SYN2: variants seen among roughly 807,000 people sequenced by gnomAD.
The protein encoded by SYN2 is synapsin II.
A neutral mutation model predicts 50.9 loss-of-function variants in SYN2; 19 were observed. The ratio of observed to expected loss-of-function variants is 0.37; its 90% CI spans 0.26 to 0.55. The LOEUF is 0.55. SYN2 is among the 20% of genes least tolerant of loss of function. The probability of loss-of-function intolerance (pLI) is 0.81; values close to 1 mark genes in which losing one functional copy is unlikely to be tolerated. For synonymous variants in SYN2, 255 were observed against 224.9 expected (o/e 1.13, Z -1.20); for missense variants, 587 against 576.4 (o/e 1.02, Z -0.19).
Position 12,190,674 on chromosome 3 carries a change from A to T in SYN2, c.*49A>T, listed in dbSNP as rs1203634241. On this transcript the variant is annotated 3_prime_UTR_variant, in exon 13 of 13. Coordinates refer to ENST00000621198, the MANE Select transcript of SYN2 (RefSeq NM_133625.6). ...AGCCCAACCGGGAAAGGCATCTAAG[A>T]CATTCACCAACAACAGTCAGCCAGC... is the stretch of plus-strand genomic sequence containing the variant. 6.3e-7 allele frequency: 1 copy of T among 1,594,488 alleles called. No homozygotes were observed. The highest frequency in any genetic ancestry group is 1.4e-5 in the African/African-American group (1 of 73,938).
chr3:12,021,792 C>T (rs1223380550), intron 1 of SYN2, among the ~76,000 whole-genome samples: 3 of 151,842 alleles, frequency 2.0e-5, no homozygotes, highest in Non-Finnish European at 4.4e-5. Flanking sequence ...TGGCTGGGCG[C>T]GGTGGCTCAT....
At chr3:12,141,740 TC>T (rs1239728494) in intron 2 of SYN2, among the ~76,000 whole-genome samples, 164 bp from the exon 3 acceptor site, 1 of 152,236 alleles carries the variant, frequency 6.6e-6, no homozygotes, top group Non-Finnish European at 1.5e-5. Flanking sequence ...ATTATCTCTG[TC>T]CCACCTTCAT....
chr3:12,141,846 A>G (rs965907392), intron 2 of SYN2, 59 bp from the exon 3 acceptor site: 6 of 776,994 alleles, frequency 7.7e-6, no homozygotes, highest in Non-Finnish European at 1.4e-5. Context: ...TGCTGCTGCT[A>G]TGTAGAGGAC....
At chr3:12,177,649 G>A (rs28708715) in intron 10 of SYN2, among the ~76,000 whole-genome samples, 7,285 of 152,264 alleles carry the variant, frequency 0.048, 598 homozygotes, top group African/African-American at 0.17. Context: ...TTCTTCCCCA[G>A]TGAGTATAAG....
rs765525406 is a variant in SYN2, at chr3:12,004,530, C to T, written c.-22C>T. On this transcript the variant is annotated 5_prime_UTR_variant, in exon 1 of 13. Transcript: ENST00000621198. ...CGCCACCAGACCCCGTAGCCCCGCG[C>T]GCCCCCAGCCCTTTAAGCCAGATGA... The T allele has an allele frequency of 3.4e-6, 2 of 591,084 alleles. No individual in the cohort carries two copies. The highest frequency in any genetic ancestry group is 6.3e-6 in the Non-Finnish European group (2 of 318,450). 36.6% of individuals were successfully genotyped at this position (591,084 alleles called of 1,614,324 possible). A position where few individuals can be genotyped will look rare whatever the true frequency, so the allele number is the denominator to read the frequency against.
At chr3:12,098,387 T>C (rs1695988961) in intron 1 of SYN2, among the ~76,000 whole-genome samples, 1 of 152,102 alleles carries the variant, frequency 6.6e-6, no homozygotes, top group Non-Finnish European at 1.5e-5. Context: ...GGGCATACAA[T>C]ATATAAAAAT....
chr3:12,086,105 A>G (rs1695695609), intron 1 of SYN2, among the ~76,000 whole-genome samples: 1 of 152,204 alleles, frequency 6.6e-6, no homozygotes, highest in Admixed American at 6.5e-5. Context: ...AGAGACTTCT[A>G]TGTAACAAAT....
intron 1 of SYN2, among the ~76,000 whole-genome samples, chr3:12,052,130 G>A (rs1182770306): frequency 6.6e-6 from 1 of 152,072 alleles, no homozygotes; most frequent in East Asian, 1.9e-4. Context: ...TTTATATTCA[G>A]GAAACATTTA....
At chr3:12,074,756 A>C (rs925772255) in intron 1 of SYN2, among the ~76,000 whole-genome samples, 9 of 152,090 alleles carry the variant, frequency 5.9e-5, no homozygotes, top group African/African-American at 1.2e-4. Context: ...AAGTCAGGCT[A>C]ACCCCTGGAA....
At chr3:12,185,408 G>A (rs1698319252) in intron 11 of SYN2, 1 of 985,658 alleles carries the variant, frequency 1.0e-6, no homozygotes, top group Non-Finnish European at 1.2e-6. Context: ...GCTACAGGGT[G>A]GTGTCAGTCA....
chr3:12,133,195 A>T (rs975070087), intron 1 of SYN2, among the ~76,000 whole-genome samples: 1 of 152,230 alleles, frequency 6.6e-6, no homozygotes, highest in African/African-American at 2.4e-5. Context: ...AGAGCATTTG[A>T]TATAACAATT....
intron 11 of SYN2, chr3:12,185,432 G>A (rs1375968048): frequency 2.0e-6 from 2 of 985,690 alleles, no homozygotes; most frequent in Non-Finnish European, 2.4e-6. Flanking sequence ...TCTTTCAGGT[G>A]GGGGAGAAAT....
At chr3:12,180,601 C>G (rs748999923) in intron 10 of SYN2, among the ~76,000 whole-genome samples, 1 of 152,200 alleles carries the variant, frequency 6.6e-6, no homozygotes, top group African/African-American at 2.4e-5. Context: ...AAGGGACAGT[C>G]CTTGGGAATT....
chr3:12,191,227 T>A lies in SYN2; in HGVS notation c.*602T>A, dbSNP rs1698438454. The A allele has an allele frequency of 5.2e-6, 5 of 969,618 alleles. 1 individual carries two copies. The South Asian group carries it at 1.9e-4, about 37-fold the overall frequency. 60.1% of individuals were successfully genotyped at this position (969,618 alleles called of 1,614,324 possible). A position where few individuals can be genotyped will look rare whatever the true frequency, so the allele number is the denominator to read the frequency against. ...TATTCGGGAGAACAAGGATCTGCAG[T>A]TTCCCCTTTTCTCCCCTCTGAAGAG... On this transcript the variant is annotated 3_prime_UTR_variant, in exon 13 of 13. Transcript: ENST00000621198.
At chr3:12,181,689 T>C (rs1698224328) in intron 10 of SYN2, among the ~76,000 whole-genome samples, 1 of 152,100 alleles carries the variant, frequency 6.6e-6, no homozygotes, top group Non-Finnish European at 1.5e-5. Context: ...AGGAGGTTAA[T>C]AGGTAGCCCC....
At chr3:12,150,162 A>G (rs1259732729) in intron 4 of SYN2, among the ~76,000 whole-genome samples, 2 of 152,220 alleles carry the variant, frequency 1.3e-5, no homozygotes, top group Non-Finnish European at 2.9e-5. Flanking sequence ...TCTCTGATAA[A>G]TAGATTTCAT....
intron 1 of SYN2, among the ~76,000 whole-genome samples, chr3:12,017,652 A>G (rs1694051859): frequency 6.6e-6 from 1 of 152,344 alleles, no homozygotes; most frequent in Admixed American, 6.5e-5. Flanking sequence ...ATGTCTAACA[A>G]TATGATTGAC....
intron 11 of SYN2, chr3:12,184,308 T>TTCTGGA: frequency 2.0e-6 from 2 of 985,498 alleles, no homozygotes; most frequent in Non-Finnish European, 2.4e-6. Flanking sequence ...TTGTTGCTGT[T>TTCTGGA]TCTGGATCCA....
chr3:12,072,861 A>G (rs1258640292), intron 1 of SYN2, among the ~76,000 whole-genome samples: 5 of 152,024 alleles, frequency 3.3e-5, no homozygotes, highest in African/African-American at 4.8e-5. Context: ...GTTTTATTCC[A>G]TAGTGTCTAT....
Sources: allele counts gnomAD v4.1 joint callset (sites outside exome capture counted in the v4.1 genomes callset), GRCh38; gene constraint gnomAD v4.1.1; transcripts MANE v1.5; gene names NCBI Gene and HGNC (gene_info 2026-07-23, HGNC 2026-07-21).